The following KDM2B variants were observed in gnomAD, a reference collection of about 807,000 sequenced individuals.
KDM2B encodes the protein lysine demethylase 2B.
In KDM2B, 26 loss-of-function variants were observed where a neutral mutation model predicts 150.0. The observed-to-expected ratio is 0.17, with a 90% confidence interval of 0.13 to 0.24. The LOEUF (loss-of-function observed/expected upper bound fraction) is 0.24, where lower values mean the gene tolerates loss of function less well. Among genes scored for constraint, KDM2B ranks in the 10% least tolerant of loss-of-function variants. KDM2B has a pLI of 1.00. For synonymous variants in KDM2B, 734 were observed against 729.5 expected (o/e 1.01, Z -0.10); for missense variants, 1,265 against 1,816.9 (o/e 0.70, Z 5.52).
At chr12:121,456,252 A>G (rs1293037716) in intron 12 of KDM2B, among the ~76,000 whole-genome samples, 1 of 152,224 alleles carries the variant, frequency 6.6e-6, no homozygotes, top group East Asian at 1.9e-4. Flanking sequence ...ATGCTCCTGG[A>G]AGGGCTTCCC....
At position 121,429,182 on chromosome 12, in the gene KDM2B, T is replaced by C. The variant is rs146560042; in HGVS notation, c.*1106A>G. On this transcript the variant is annotated 3_prime_UTR_variant, in exon 23 of 23. Transcript: ENST00000377071. ...AGAAACCCTCAAAGTTCAAGAGTGG[T>C]TTTTTTTGTACAATTGTTTATACAA... 6.6e-6 allele frequency: 1 copy of C among 152,372 alleles called. No individual in the cohort carries two copies. Among genetic ancestry groups the C allele is most frequent in the Non-Finnish European group, 1.5e-5 (1 of 67,974 alleles). The allele number at this position is 152,372 out of a possible 1,614,324, so 9.4% of individuals were successfully genotyped here.
chr12:121,506,376 G>A (rs1256273405), intron 11 of KDM2B, among the ~76,000 whole-genome samples: 5 of 152,142 alleles, frequency 3.3e-5, no homozygotes, highest in Admixed American at 2.0e-4. Context: ...TGTTCTGGAA[G>A]AGGTGATGGC....
At position 121,521,319 on chromosome 12, in the gene KDM2B, C is replaced by T. The variant is rs1226413170; in HGVS notation, c.932-219G>A. ...ACTTGCAGCCTCGAGCAGCCACTGTCTGGCTCAAGTCAGGAGCTGGGAAGC... is the reference window on the plus strand; with the variant it reads ...ACTTGCAGCCTCGAGCAGCCACTGTTTGGCTCAAGTCAGGAGCTGGGAAGC... On this transcript the variant is annotated intron_variant, in intron 8 of 22. Transcript: ENST00000377071. The surrounding 1 kb of genome is among the most constrained non-coding windows in gnomAD (Gnocchi z 4.9). 6.6e-6 allele frequency among the ~76,000 whole-genome samples: 1 copy of T among 152,190 alleles called. No individual in the cohort carries two copies. Among genetic ancestry groups the T allele is most frequent in the East Asian group, 1.9e-4 (1 of 5,174 alleles).
Position 121,440,924 on chromosome 12 carries a change from A to G in KDM2B, c.3502T>C (p.Cys1168Arg). 1 of 1,614,128 alleles carries G rather than the reference A, an allele frequency of 6.2e-7. No individual in the cohort carries two copies. The highest frequency in any genetic ancestry group is 8.5e-7 in the Non-Finnish European group (1 of 1,180,018). The change falls in exon 21 of 23, where the codon TGC becomes CGC. Residue 1168 changes from cysteine to arginine, a missense_variant. Transcript: ENST00000377071. The part of the protein sequence containing the change: ...GCSWIAVSAL[C>R]SSSCPLLRTL... ...CGGAGCAGCGGACAACTGGAGCTGC[A>G]AAGGGCCGAGACCGCGATCCATGAG...
Position 121,445,466 on chromosome 12 carries a change from G to A in KDM2B, c.1960-48C>T, listed in dbSNP as rs75939137. 9,743 of 1,524,958 alleles carry A rather than the reference G, an allele frequency of 6.4e-3. 394 individuals are homozygous for A. In the African/African-American group the frequency reaches 0.1, roughly 16 times the overall value. 94.5% of individuals were successfully genotyped at this position (1,524,958 alleles called of 1,614,324 possible). A position where few individuals can be genotyped will look rare whatever the true frequency, so the allele number is the denominator to read the frequency against. ...ACAAGTCATCAGGGGTGGGGAGCAC[G>A]GACCCCCAGGGGGGCCAGTTCAAGG... is the stretch of plus-strand genomic sequence containing the variant. On this transcript the variant is annotated intron_variant, in intron 13 of 22. Transcript: ENST00000377071.
At chr12:121,505,902 G>C (rs1212552822) in intron 11 of KDM2B, among the ~76,000 whole-genome samples, 2 of 152,196 alleles carry the variant, frequency 1.3e-5, no homozygotes, top group African/African-American at 4.8e-5. Flanking sequence ...CAACAGAAAA[G>C]AGAGAACAAG....
intron 4 of KDM2B, among the ~76,000 whole-genome samples, chr12:121,552,390 T>C (rs1889569599): frequency 6.6e-6 from 1 of 152,048 alleles, no homozygotes; most frequent in Non-Finnish European, 1.5e-5. Flanking sequence ...ACCCCAGACC[T>C]GGCCAAGTGC....
chr12:121,417,355 T>C, the KDM2B span: 1 of 676,818 alleles, frequency 1.5e-6, no homozygotes, highest in East Asian at 2.7e-5. The surrounding 1 kb of genome is among the most constrained non-coding windows in gnomAD (Gnocchi z 5.0). Flanking sequence ...TCATGGCTTT[T>C]GAAACATGAA....
intron 14 of KDM2B, chr12:121,444,920 G>A (rs3817546): frequency 0.36 from 148,077 of 410,228 alleles, 28,738 homozygotes; most frequent in East Asian, 0.42. Flanking sequence ...CTGGGGGAAG[G>A]AGTGTGGTGT....
chr12:121,420,506 C>T, the KDM2B span: 1 of 1,576,814 alleles, frequency 6.3e-7, no homozygotes, highest in Non-Finnish European at 8.7e-7. Context: ...TATTCAGGGC[C>T]AGTGATGAGT....
Position 121,579,724 on chromosome 12 carries a change from C to T in KDM2B, c.127-778G>A, listed in dbSNP as rs574079354. 5.5e-6 allele frequency: 8 copies of T among 1,460,162 alleles called. No individual in the cohort carries two copies. In the South Asian group the frequency reaches 9.7e-5, roughly 18 times the overall value. The allele number at this position is 1,460,162 out of a possible 1,614,324, so 90.5% of individuals were successfully genotyped here. On this transcript the variant is annotated intron_variant, in intron 1 of 22. Coordinates refer to ENST00000377071, the MANE Select transcript of KDM2B (RefSeq NM_032590.5). ...CTCCCTCCACCGCCCAGCGCCCGGC[C>T]CCTCAGCCCCCCAGATTCCGGGCGA...
intron 12 of KDM2B, among the ~76,000 whole-genome samples, chr12:121,461,996 G>C (rs1012307523): frequency 1.3e-5 from 2 of 152,234 alleles, no homozygotes; most frequent in African/African-American, 4.8e-5. Flanking sequence ...AGTTTCAACT[G>C]TCAAGAGAAG....
chr12:121,494,793 A>C, intron 11 of KDM2B, 128 bp from the exon 12 acceptor site: 1 of 612,506 alleles, frequency 1.6e-6, no homozygotes, highest in Non-Finnish European at 2.8e-6. Flanking sequence ...TGACTCCACC[A>C]CCACCCACAC....
At chr12:121,413,415 C>CTTTT in the KDM2B span, among the ~76,000 whole-genome samples, 2 of 130,694 alleles carry the variant, frequency 1.5e-5, no homozygotes, top group East Asian at 2.2e-4. Flanking sequence ...TTTACCTGTC[C>CTTTT]TTTTTTTTTT....
chr12:121,534,185 T>TA (rs557915898), intron 7 of KDM2B, among the ~76,000 whole-genome samples: 2 of 151,892 alleles, frequency 1.3e-5, no homozygotes. Flanking sequence ...CCGTCTCTAC[T>TA]AAAAATACAA....
chr12:121,423,182 C>T, the KDM2B span, among the ~76,000 whole-genome samples: 1 of 152,094 alleles, frequency 6.6e-6, no homozygotes, highest in Non-Finnish European at 1.5e-5. This position sits in a 1 kb window ranked among gnomAD's most constrained non-coding sequence, Gnocchi z 4.3. Context: ...TTTACAAAAC[C>T]CTGAGGTATA....
Position 121,513,667 on chromosome 12 carries a change from T to C in KDM2B, c.1048-265A>G, listed in dbSNP as rs199687377. 1.3e-5 allele frequency among the ~76,000 whole-genome samples: 2 copies of C among 152,218 alleles called. No homozygotes were observed. Among genetic ancestry groups the C allele is most frequent in the East Asian group, 3.9e-4 (2 of 5,156 alleles). On this transcript the variant is annotated intron_variant, in intron 9 of 22. Coordinates refer to ENST00000377071, the MANE Select transcript of KDM2B (RefSeq NM_032590.5). This position sits in a 1 kb window ranked among gnomAD's most constrained non-coding sequence, Gnocchi z 5.0. ...GCCCCAGAGGTTGGATGGGGGCCAC[T>C]TGATGCTCCCGTGAGATGCAGAAAA...
the KDM2B span, among the ~76,000 whole-genome samples, chr12:121,412,760 T>C: frequency 2.0e-5 from 3 of 148,636 alleles, no homozygotes; most frequent in South Asian, 6.5e-4. Flanking sequence ...AGTCTCGCTG[T>C]GTCACCCAGG....
the KDM2B span, among the ~76,000 whole-genome samples, chr12:121,415,037 A>C: frequency 2.6e-5 from 4 of 152,156 alleles, no homozygotes; most frequent in Non-Finnish European, 5.9e-5. Flanking sequence ...CGGACGTTGC[A>C]GTGAGCCGAG....
Sources: gnomAD v4.1 joint callset for allele counts (sites outside exome capture counted in the v4.1 genomes callset) on GRCh38, gnomAD v4.1.1 for gene constraint, Gnocchi (gnomAD v3.1) non-coding constraint, MANE v1.5 for transcripts, NCBI Gene and HGNC (gene_info 2026-07-23, HGNC 2026-07-21) for gene names.